Variants in DCBLD2 observed in about 807,000 individuals in gnomAD.
The protein encoded by DCBLD2 is discoidin, CUB and LCCL domain containing 2.
In DCBLD2, 54 loss-of-function variants were observed where a neutral mutation model predicts 86.8. That is an observed-to-expected ratio of 0.62 (90% confidence interval 0.50 to 0.78). The LOEUF is 0.78. DCBLD2 is among the 30% of genes least tolerant of loss of function. DCBLD2 has a pLI of 0.00. For synonymous variants in DCBLD2, 354 were observed against 341.3 expected (o/e 1.04, Z -0.41); for missense variants, 908 against 954.2 (o/e 0.95, Z 0.64).
At chr3:98,819,557 A>G in intron 7 of DCBLD2, 140 bp from the exon 8 acceptor site, 1 of 839,582 alleles carries the variant, frequency 1.2e-6, no homozygotes, top group South Asian at 1.8e-5. Context: ...AAATTTCAAA[A>G]CTAGGCAAGT....
At chr3:98,849,322 C>A in intron 3 of DCBLD2, 139 bp downstream of exon 3, 1 of 1,076,936 alleles carries the variant, frequency 9.3e-7, no homozygotes, top group Non-Finnish European at 1.4e-6. Context: ...CCTTATTTGT[C>A]AAATTTATAT....
intron 2 of DCBLD2, 150 bp downstream of exon 2, chr3:98,881,390 C>T: frequency 1.4e-6 from 1 of 705,900 alleles, no homozygotes; most frequent in African/African-American, 1.8e-5. Context: ...TCTTCTCTTC[C>T]CAAAAGATTC....
At chr3:98,823,015 G>C (rs1942151464) in intron 4 of DCBLD2, among the ~76,000 whole-genome samples, 1 of 152,116 alleles carries the variant, frequency 6.6e-6, no homozygotes, top group Non-Finnish European at 1.5e-5. Context: ...TGGGATTACA[G>C]GTGCATACCA....
chr3:98,889,872 G>A (rs773977484), intron 1 of DCBLD2, among the ~76,000 whole-genome samples: 1 of 151,880 alleles, frequency 6.6e-6, no homozygotes, highest in Non-Finnish European at 1.5e-5. Context: ...CTTCAGTGGG[G>A]CCTTGGATCT....
intron 3 of DCBLD2, among the ~76,000 whole-genome samples, chr3:98,843,669 T>C (rs1040285804): frequency 5.9e-5 from 9 of 152,158 alleles, no homozygotes; most frequent in African/African-American, 1.7e-4. Flanking sequence ...ATACTATTGG[T>C]GTTAATTCTA....
intron 13 of DCBLD2, among the ~76,000 whole-genome samples, chr3:98,805,630 T>C (rs1020272621): frequency 6.6e-6 from 1 of 152,172 alleles, no homozygotes; most frequent in African/African-American, 2.4e-5. Context: ...CTTTACTCCT[T>C]GTCATAAAGC....
chr3:98,849,305 G>C (rs1942788051), intron 3 of DCBLD2, 156 bp downstream of exon 3: 2 of 899,406 alleles, frequency 2.2e-6, no homozygotes, highest in Admixed American at 5.2e-5. Flanking sequence ...CTTTGAAACT[G>C]AACTCACCTT....
Position 98,801,624 on chromosome 3 carries a change from C to T in DCBLD2, c.1696G>A (p.Asp566Asn). Residue 566 changes from aspartate (D) to asparagine (N), a missense_variant, in exon 14 of 16, where the codon GAC (aspartate) becomes AAC (asparagine). Coordinates refer to ENST00000326840, the MANE Select transcript of DCBLD2 (RefSeq NM_080927.4). Reference sequence around the variant, plus strand: ...CCTGCCCGGTCCCAGTAAGGTAAGTCATAGGTGCCTTCAGTTTTTTTCTTT... The same window carrying T: ...CCTGCCCGGTCCCAGTAAGGTAAGTTATAGGTGCCTTCAGTTTTTTTCTTT... ...NRKKKTEGTY[D>N]LPYWDRAGWW... 1 of 1,609,500 alleles carries T rather than the reference C, an allele frequency of 6.2e-7. No homozygotes were observed. The highest frequency in any genetic ancestry group is 1.1e-5 in the South Asian group (1 of 90,092).
Position 98,799,553 on chromosome 3 carries a change from T to C in DCBLD2, c.2147A>G (p.Asn716Ser), listed in dbSNP as rs190117443. The change falls in exon 16 of 16, where the codon AAT becomes AGT. Residue 716 changes from asparagine (N) to serine (S), a missense_variant. This residue lies in a region of DCBLD2 where 606 missense variants were observed against 678.5 expected (regional missense o/e 0.89). Transcript: ENST00000326840. ...NQPPPLVGTY[N>S]TLLSRTDSCS... Reference sequence around the variant, plus strand: ...GCTGTCAGTCCTGGAGAGAAGTGTATTGTAAGTTCCCACTAGTGGGGGAGG... The same window carrying C: ...GCTGTCAGTCCTGGAGAGAAGTGTACTGTAAGTTCCCACTAGTGGGGGAGG... 4.6e-5 allele frequency: 74 copies of C among 1,613,936 alleles called. No homozygotes were observed. In the Admixed American group the frequency reaches 6.8e-4, roughly 15 times the overall value.
chr3:98,864,677 G>T (rs559195737), intron 2 of DCBLD2, among the ~76,000 whole-genome samples: 2 of 152,244 alleles, frequency 1.3e-5, no homozygotes, highest in Admixed American at 1.3e-4. Flanking sequence ...ACACAGGCAG[G>T]GGAACATCAC....
intron 2 of DCBLD2, among the ~76,000 whole-genome samples, chr3:98,852,545 C>A (rs936615292): frequency 6.6e-6 from 1 of 152,208 alleles, no homozygotes; most frequent in African/African-American, 2.4e-5. Flanking sequence ...CCGCACCCAG[C>A]CTTCTAGGGT....
chr3:98,870,733 AAGAAAAAGAAAG>A (rs1943250071), intron 2 of DCBLD2, among the ~76,000 whole-genome samples: 1 of 113,974 alleles, frequency 8.8e-6, no homozygotes, highest in African/African-American at 3.4e-5. Context: ...AAAGAAAAGA[AAGAAAAAGAAAG>A]AAAGAAAGAA....
At chr3:98,889,009 C>G (rs746126199) in intron 1 of DCBLD2, among the ~76,000 whole-genome samples, 1 of 151,994 alleles carries the variant, frequency 6.6e-6, no homozygotes, top group Non-Finnish European at 1.5e-5. Flanking sequence ...TCTCTCTTCT[C>G]TCTCCATCTG....
chr3:98,872,818 C>T (rs1163127635), intron 2 of DCBLD2, among the ~76,000 whole-genome samples: 1 of 151,464 alleles, frequency 6.6e-6, no homozygotes, highest in African/African-American at 2.4e-5. Flanking sequence ...AAAAAATGAA[C>T]ACAACAAATA....
chr3:98,870,565 G>C (rs866135568), intron 2 of DCBLD2, among the ~76,000 whole-genome samples: 1 of 150,920 alleles, frequency 6.6e-6, no homozygotes. Flanking sequence ...AGTAAGCCAA[G>C]ATTGCACAAC....
chr3:98,844,828 A>G (rs1361291976), intron 3 of DCBLD2, among the ~76,000 whole-genome samples: 1 of 152,208 alleles, frequency 6.6e-6, no homozygotes, highest in Non-Finnish European at 1.5e-5. Context: ...AAAGGTCCAC[A>G]TACACGTTCA....
At chr3:98,900,768 T>C (rs1943832685) in intron 1 of DCBLD2, 1 of 324,854 alleles carries the variant, frequency 3.1e-6, no homozygotes, top group African/African-American at 2.2e-5. Flanking sequence ...CTTCCTACAG[T>C]GTCCATCCAT....
intron 3 of DCBLD2, among the ~76,000 whole-genome samples, chr3:98,826,634 A>C (rs1167191327): frequency 6.6e-6 from 1 of 152,256 alleles, no homozygotes; most frequent in Non-Finnish European, 1.5e-5. Context: ...GTCCCCGGAC[A>C]GAGCCTGAGG....
intron 6 of DCBLD2, 90 bp downstream of exon 6, chr3:98,822,138 A>G (rs852701): frequency 0.35 from 492,225 of 1,419,098 alleles, 92,385 homozygotes; most frequent in East Asian, 0.69. Flanking sequence ...TAACAGTGAT[A>G]CTGCTGAGAT....
Sources: gnomAD v4.1 joint callset for allele counts (sites outside exome capture counted in the v4.1 genomes callset) on GRCh38, gnomAD v4.1.1 for gene constraint, gnomAD v4.1.1 regional missense constraint, MANE v1.5 for transcripts, NCBI Gene and HGNC (gene_info 2026-07-23, HGNC 2026-07-21) for gene names.